Variants in ATXN1 observed in about 807,000 individuals in gnomAD.
ATXN1 encodes ataxin 1.
In ATXN1, 8 loss-of-function variants were observed where a neutral mutation model predicts 56.4. That is an observed-to-expected ratio of 0.14 (90% CI 0.08 to 0.26). The LOEUF is 0.26. Ranked by LOEUF, ATXN1 falls within the 10% of genes least tolerant of loss-of-function variation. The pLI is 1.00. For synonymous variants in ATXN1, 514 were observed against 494.6 expected (o/e 1.04, Z -0.52); for missense variants, 987 against 1,106.5 (o/e 0.89, Z 1.53).
At chr6:16,743,962 C>A (rs988484619) in intron 2 of ATXN1, among the ~76,000 whole-genome samples, 1 of 152,144 alleles carries the variant, frequency 6.6e-6, no homozygotes, top group African/African-American at 2.4e-5. Context: ...GGATTCTAGA[C>A]TTTATCCTGA....
At chr6:16,595,550 A>C (rs1371976634) in intron 3 of ATXN1, among the ~76,000 whole-genome samples, 2 of 152,226 alleles carry the variant, frequency 1.3e-5, no homozygotes, top group Non-Finnish European at 2.9e-5. Flanking sequence ...GAACTAATTT[A>C]CCTTCTTTAA....
At chr6:16,476,915 A>G (rs1455514266) in intron 6 of ATXN1, among the ~76,000 whole-genome samples, 2 of 152,240 alleles carry the variant, frequency 1.3e-5, no homozygotes, top group African/African-American at 2.4e-5. Context: ...TGTCTTTCCC[A>G]TCATAAGCAC....
At chr6:16,454,619 C>G (rs1759829429) in intron 6 of ATXN1, among the ~76,000 whole-genome samples, 1 of 152,178 alleles carries the variant, frequency 6.6e-6, no homozygotes, top group Non-Finnish European at 1.5e-5. Context: ...CTACACAGTA[C>G]ATGTAATTGT....
chr6:16,722,014 G>T (rs1254319844), intron 2 of ATXN1, among the ~76,000 whole-genome samples: 1 of 152,148 alleles, frequency 6.6e-6, no homozygotes, highest in African/African-American at 2.4e-5. Context: ...CCACCTTATT[G>T]CAGTGGCCGC....
At chr6:16,757,894 C>T (rs2113547727) in intron 1 of ATXN1, among the ~76,000 whole-genome samples, 1 of 152,200 alleles carries the variant, frequency 6.6e-6, no homozygotes, top group Middle Eastern at 3.4e-3. Context: ...CAGTGGTGCC[C>T]TAATGCAAAG....
chr6:16,432,669 T>C (rs748459329), intron 6 of ATXN1: 1 of 152,140 alleles, frequency 6.6e-6, no homozygotes, highest in South Asian at 2.1e-4. Context: ...ACCACAAAAT[T>C]TGCTTAACCT....
rs1341877836 is a variant in ATXN1, at chr6:16,506,245, T to C, written c.-299+16382A>G. Among the ~76,000 whole-genome samples, 1 of 152,198 alleles carries C rather than the reference T, an allele frequency of 6.6e-6. No homozygotes were observed. The highest frequency in any genetic ancestry group is 6.5e-5 in the Admixed American group (1 of 15,278). The stretch of plus-strand genomic sequence containing the variant: ...CACATGATGTGACTCATCATTTGGG[T>C]GACATGGAGCAGGCAGCATCGTTTC... On this transcript the variant is annotated intron_variant, in intron 5 of 7. Transcript: ENST00000436367. This position sits in a 1 kb window ranked among gnomAD's most constrained non-coding sequence, Gnocchi z 4.1.
intron 3 of ATXN1, among the ~76,000 whole-genome samples, chr6:16,587,023 A>G (rs1018184727): frequency 7.2e-5 from 11 of 152,090 alleles, no homozygotes; most frequent in African/African-American, 2.7e-4. Context: ...TCTCAAAAAA[A>G]AAAAAAGTAT....
intron 4 of ATXN1, among the ~76,000 whole-genome samples, chr6:16,525,028 G>GT (rs1387150306): frequency 6.6e-6 from 1 of 152,078 alleles, no homozygotes; most frequent in African/African-American, 2.4e-5. Context: ...CTCCAGCCTG[G>GT]GCAACAAGAG....
intron 4 of ATXN1, among the ~76,000 whole-genome samples, chr6:16,565,870 A>G (rs1247121047): frequency 6.6e-6 from 1 of 152,210 alleles, no homozygotes; most frequent in African/African-American, 2.4e-5. Context: ...TCAGCTATAA[A>G]ATATAAACTT....
chr6:16,373,074 A>G (rs551137750), intron 6 of ATXN1, among the ~76,000 whole-genome samples: 15 of 152,348 alleles, frequency 9.8e-5, no homozygotes, highest in African/African-American at 3.6e-4. Context: ...GGAGGGACAC[A>G]TAGGGCCATG....
intron 6 of ATXN1, among the ~76,000 whole-genome samples, chr6:16,480,657 A>G (rs1760420537): frequency 6.6e-6 from 1 of 152,200 alleles, no homozygotes. Flanking sequence ...AAACTTAAAG[A>G]GGACACAAAA....
Position 16,621,471 on chromosome 6 carries a change from C to T in ATXN1, c.-488-35564G>A, listed in dbSNP as rs141984408. On this transcript the variant is annotated intron_variant, in intron 3 of 7. Coordinates refer to ENST00000436367, the MANE Select transcript of ATXN1 (RefSeq NM_001128164.2). ...GCCCGGCGGCTCATGCCTGTAATCC[C>T]AACACTTTGGGAGGCCAAGGCAGGT... is the stretch of plus-strand genomic sequence containing the variant. Among the ~76,000 whole-genome samples the T allele has an allele frequency of 3.3e-3, 498 of 152,346 alleles. 3 individuals are homozygous for T. Among genetic ancestry groups the T allele is most frequent in the African/African-American group, 0.011 (467 of 41,572 alleles).
chr6:16,726,784 G>A (rs548868606), intron 2 of ATXN1, among the ~76,000 whole-genome samples: 1 of 152,268 alleles, frequency 6.6e-6, no homozygotes, highest in East Asian at 1.9e-4. Flanking sequence ...CTTGAAGCCG[G>A]GAGGTGGAGG....
In ATXN1 at chr6:16,481,760, G is replaced by A. The variant is rs114263401; in HGVS notation, c.-161+4212C>T. ...GTGCACTAGAATGAAGTGTTATTCAGTCAGCCCCTTTCTAGGGAGATACAG... is the reference window on the plus strand; with the variant it reads ...GTGCACTAGAATGAAGTGTTATTCAATCAGCCCCTTTCTAGGGAGATACAG... On this transcript the variant is annotated intron_variant, in intron 6 of 7. Transcript: ENST00000436367. Among the ~76,000 whole-genome samples, 536 of 152,166 alleles carry A rather than the reference G, an allele frequency of 3.5e-3. 3 individuals are homozygous for A. The highest frequency in any genetic ancestry group is 0.012 in the African/African-American group (507 of 41,508).
intron 2 of ATXN1, among the ~76,000 whole-genome samples, chr6:16,704,985 C>T (rs1162643486): frequency 6.6e-6 from 1 of 152,192 alleles, no homozygotes; most frequent in African/African-American, 2.4e-5. Flanking sequence ...GCCCCCTTGC[C>T]TCCTCAGGCC....
At position 16,458,526 on chromosome 6, in the gene ATXN1, C is replaced by T. The variant is rs181425763; in HGVS notation, c.-161+27446G>A. Reference sequence around the variant, plus strand: ...CTTGGCCCTGAACAAAATCTGGAGGCATTATTAAACCTGGCAACCGCGGTG... The same window carrying T: ...CTTGGCCCTGAACAAAATCTGGAGGTATTATTAAACCTGGCAACCGCGGTG... On this transcript the variant is annotated intron_variant, in intron 6 of 7. Coordinates refer to ENST00000436367, the MANE Select transcript of ATXN1 (RefSeq NM_001128164.2). Among the ~76,000 whole-genome samples the T allele has an allele frequency of 3.3e-3, 506 of 152,276 alleles. 3 individuals carry two copies. The highest frequency in any genetic ancestry group is 5.2e-3 in the Non-Finnish European group (352 of 68,024).
At chr6:16,758,281 A>C (rs1398136485) in intron 1 of ATXN1, among the ~76,000 whole-genome samples, 2 of 152,224 alleles carry the variant, frequency 1.3e-5, no homozygotes, top group South Asian at 4.1e-4. Context: ...CGCTCTTCAC[A>C]CTTGAAAGGG....
chr6:16,561,869 T>C (rs778935150), intron 4 of ATXN1, among the ~76,000 whole-genome samples: 10 of 152,102 alleles, frequency 6.6e-5, no homozygotes, highest in South Asian at 4.1e-4. Flanking sequence ...TGGGCTGCAA[T>C]GAGTAAGGTT....
Sources: allele counts gnomAD v4.1 joint callset (sites outside exome capture counted in the v4.1 genomes callset), GRCh38; gene constraint gnomAD v4.1.1; non-coding constraint Gnocchi (gnomAD v3.1); transcripts MANE v1.5; gene names NCBI Gene and HGNC (gene_info 2026-07-23, HGNC 2026-07-21).